LIMCH1: variants seen among roughly 807,000 people sequenced by gnomAD.
LIMCH1 encodes the protein LIM and calponin homology domains 1, also known as LIM and calponin homology domains-containing protein 1.
In LIMCH1, 113 loss-of-function variants were observed where a neutral mutation model predicts 176.5. That is an observed-to-expected ratio of 0.64 (90% CI 0.55 to 0.75). The LOEUF (loss-of-function observed/expected upper bound fraction) is 0.75. Ranked by LOEUF, LIMCH1 falls within the 30% of genes least tolerant of loss-of-function variation. LIMCH1 has a pLI of 0.00. For missense variants in LIMCH1, 1,674 were observed against 1,814.9 expected (o/e 0.92, Z 1.41); for synonymous variants, 619 against 645.9 (o/e 0.96, Z 0.63).
Position 41,697,493 on chromosome 4 carries a change from C to CCTG in LIMCH1, c.*308_*309insCTG. On this transcript the variant is annotated 3_prime_UTR_variant, in exon 32 of 32. Transcript: ENST00000503057. The stretch of plus-strand genomic sequence containing the variant: ...GGCTTATGGTTTAAAATGTGTTATT[C>CCTG]TCTTCTTTGGGAATTAGCTAAATGA... 2.9e-6 allele frequency: 1 copy of CCTG among 340,668 alleles called. No individual in the cohort carries two copies. The allele number at this position is 340,668 out of a possible 1,614,324, so 21.1% of individuals were successfully genotyped here.
chr4:41,557,794 A>G (rs576059013), intron 1 of LIMCH1, among the ~76,000 whole-genome samples: 1 of 152,306 alleles, frequency 6.6e-6, no homozygotes, highest in African/African-American at 2.4e-5. Flanking sequence ...GGGCGGTTCT[A>G]AACTACACTC....
chr4:41,419,591 CTTCCTTCCTTCCGTCCTTCCTTCCT>C (rs1450559645), intron 1 of LIMCH1, among the ~76,000 whole-genome samples: 2,262 of 87,838 alleles, frequency 0.026, 181 homozygotes, highest in African/African-American at 0.12. Flanking sequence ...TCCTTCCTTC[CTTCCTTCCTTCCGTCCTTCCTTCCT>C]TCCTTCCTTC....
chr4:41,545,086 C>T (rs568174264), intron 1 of LIMCH1, among the ~76,000 whole-genome samples: 1 of 152,326 alleles, frequency 6.6e-6, no homozygotes, highest in African/African-American at 2.4e-5. Flanking sequence ...CTCAAAGTCA[C>T]TGCCAATACA....
At chr4:41,445,980 G>T (rs2154144151) in intron 1 of LIMCH1, among the ~76,000 whole-genome samples, 1 of 152,304 alleles carries the variant, frequency 6.6e-6, no homozygotes, top group South Asian at 2.1e-4. Flanking sequence ...ATTGTGGAAA[G>T]AACTAAAAGC....
Position 41,408,470 on chromosome 4 carries a change from T to C in LIMCH1, c.96+47534T>C, listed in dbSNP as rs930411819. ...TACTATCCCATTTTAGATGAGGAAA[T>C]GGAGACTCAGAAGAGTCAAGAAATC... On this transcript the variant is annotated intron_variant, in intron 1 of 26. Transcript: ENST00000313860. 3.9e-5 allele frequency among the ~76,000 whole-genome samples: 6 copies of C among 152,270 alleles called. No individual in the cohort carries two copies. The Middle Eastern group carries it at 0.01, about 259-fold the overall frequency.
chr4:41,633,012 GA>G lies in LIMCH1; in HGVS notation c.1759del (p.Thr587GlnfsTer44). The G allele has an allele frequency of 6.5e-7, 1 of 1,536,138 alleles. No individual in the cohort carries two copies. Among genetic ancestry groups the G allele is most frequent in the Non-Finnish European group, 8.7e-7 (1 of 1,146,922 alleles). ...SKQLPQDGKE[E>X]TESAPRDSER... ...ACAGCTGCCACAGGATGGCAAAGAAGAAACAGAAAGCGCTCCAAGAGATTCT... is the reference window on the plus strand; with the variant it reads ...ACAGCTGCCACAGGATGGCAAAGAAGAACAGAAAGCGCTCCAAGAGATTCT... On this transcript the variant is annotated frameshift_variant, in exon 12 of 32. Coordinates refer to ENST00000503057, the MANE Select transcript of LIMCH1 (RefSeq NM_001330672.2). LOFTEE classifies it high-confidence loss of function.
chr4:41,472,939 A>C, intron 1 of LIMCH1: 1 of 749,848 alleles, frequency 1.3e-6, no homozygotes, highest in Non-Finnish European at 1.6e-6. Context: ...CCATGGAGCT[A>C]GGATTCTGCA....
At chr4:41,362,312 C>T (rs527340739) in intron 1 of LIMCH1, among the ~76,000 whole-genome samples, 9 of 152,284 alleles carry the variant, frequency 5.9e-5, no homozygotes, top group African/African-American at 1.9e-4. Flanking sequence ...TTTGATAACT[C>T]ACCATCAGAT....
At chr4:41,643,567 C>CA (rs1402563067) in intron 14 of LIMCH1, among the ~76,000 whole-genome samples, 1 of 152,066 alleles carries the variant, frequency 6.6e-6, no homozygotes, top group East Asian at 1.9e-4. Flanking sequence ...GTAAGCATCA[C>CA]AAAAAAGGCC....
chr4:41,390,239 GGA>G (rs34011822), intron 1 of LIMCH1, among the ~76,000 whole-genome samples: 5,752 of 138,008 alleles, frequency 0.042, 153 homozygotes, highest in East Asian at 0.098. Context: ...TCTCTCTCAG[GGA>G]GAGAGAGAGA....
chr4:41,360,708 T>A (rs2154089823), upstream of LIMCH1: 1 of 512,442 alleles, frequency 2.0e-6, no homozygotes, highest in East Asian at 4.3e-5. The surrounding 1 kb of genome is among the most constrained non-coding windows in gnomAD (Gnocchi z 4.5). Flanking sequence ...TCCCGGGACC[T>A]GCGCCGGCCG....
chr4:41,663,213 G>A (rs1328429709), intron 20 of LIMCH1, among the ~76,000 whole-genome samples: 1 of 150,992 alleles, frequency 6.6e-6, no homozygotes, highest in Non-Finnish European at 1.5e-5. Context: ...GAGTGCAGCG[G>A]TGTGATCTCT....
chr4:41,468,907 A>G (rs1334155687), intron 1 of LIMCH1, among the ~76,000 whole-genome samples: 2 of 152,158 alleles, frequency 1.3e-5, no homozygotes, highest in Admixed American at 1.3e-4. Context: ...TAAGAGGTTG[A>G]AAAACTGTCA....
chr4:41,432,345 A>G (rs1561353379), intron 1 of LIMCH1, among the ~76,000 whole-genome samples: 1 of 152,204 alleles, frequency 6.6e-6, no homozygotes, highest in Non-Finnish European at 1.5e-5. Context: ...TTGATTCCTA[A>G]CAGAGAACTT....
chr4:41,623,598 A>G (rs2092737207), intron 7 of LIMCH1, among the ~76,000 whole-genome samples: 1 of 152,214 alleles, frequency 6.6e-6, no homozygotes, highest in African/African-American at 2.4e-5. Flanking sequence ...TCTCCACTAA[A>G]AGTACCAAAA....
chr4:41,605,576 C>T (rs540232540), intron 3 of LIMCH1, among the ~76,000 whole-genome samples: 1 of 152,280 alleles, frequency 6.6e-6, no homozygotes, highest in African/African-American at 2.4e-5. Context: ...AATTGTGAAA[C>T]CTTCACTACA....
chr4:41,552,417 T>G lies in LIMCH1; in HGVS notation c.-241+14067T>G, dbSNP rs538931802. On this transcript the variant is annotated intron_variant, in intron 1 of 31. Transcript: ENST00000503057. Reference sequence around the variant, plus strand: ...GGCATGTGCCACGCCTGCATCAGGATCCATCTGAGAGGAAGAACACTCCAG... The same window carrying G: ...GGCATGTGCCACGCCTGCATCAGGAGCCATCTGAGAGGAAGAACACTCCAG... Among the ~76,000 whole-genome samples the G allele has an allele frequency of 2.6e-5, 4 of 152,250 alleles. No homozygotes were observed. The East Asian group carries it at 7.7e-4, about 29-fold the overall frequency.
Position 41,542,628 on chromosome 4 carries a change from A to G in LIMCH1, c.-241+4278A>G, listed in dbSNP as rs544431206. Among the ~76,000 whole-genome samples, 18 of 152,084 alleles carry G rather than the reference A, an allele frequency of 1.2e-4. 1 individual carries two copies. The South Asian group carries it at 3.1e-3, about 26-fold the overall frequency. ...CTGTGCTATTTCCTGAAGTTGACCCATTTTCCTTGCTTCTGCCAACACTCC... is the reference window on the plus strand; with the variant it reads ...CTGTGCTATTTCCTGAAGTTGACCCGTTTTCCTTGCTTCTGCCAACACTCC... On this transcript the variant is annotated intron_variant, in intron 1 of 31. Transcript: ENST00000503057.
intron 1 of LIMCH1, among the ~76,000 whole-genome samples, chr4:41,450,717 C>T (rs1200365280): frequency 6.6e-6 from 1 of 150,568 alleles, no homozygotes; most frequent in Non-Finnish European, 1.5e-5. Context: ...ATTGTTTGAA[C>T]CCGGTAGGCA....
Sources: gnomAD v4.1 joint callset for allele counts (sites outside exome capture counted in the v4.1 genomes callset) on GRCh38, gnomAD v4.1.1 for gene constraint, Gnocchi (gnomAD v3.1) non-coding constraint, MANE v1.5 for transcripts, NCBI Gene and HGNC (gene_info 2026-07-23, HGNC 2026-07-21) for gene names.